Variants in ORC2 observed in about 807,000 individuals in gnomAD.
ORC2 encodes origin recognition complex subunit 2, also known as origin recognition complex protein 2 homolog.
A neutral mutation model predicts 77.7 loss-of-function variants in ORC2; 37 were observed. That is an observed-to-expected ratio of 0.48 (90% CI 0.37 to 0.63). ORC2 has a LOEUF of 0.63. Among genes scored for constraint, ORC2 ranks in the 20% least tolerant of loss-of-function variants. ORC2 has a pLI of 0.00. For synonymous variants in ORC2, 201 were observed against 229.5 expected (o/e 0.88, Z 1.12); for missense variants, 557 against 661.9 (o/e 0.84, Z 1.74).
intron 4 of ORC2, among the ~76,000 whole-genome samples, chr2:200,953,481 T>C (rs935998319): frequency 2.6e-5 from 4 of 151,844 alleles, no homozygotes; most frequent in Admixed American, 6.6e-5. Context: ...CCTTGTACAC[T>C]GTAGGTTGAT....
In ORC2 at chr2:200,913,378, C is replaced by G. The variant is rs1221043752; in HGVS notation, c.1564G>C (p.Glu522Gln). The G allele has an allele frequency of 3.1e-6, 5 of 1,597,152 alleles. No individual in the cohort carries two copies. In the African/African-American group the frequency reaches 6.7e-5, roughly 21 times the overall value. Residue 522 changes from glutamate (E) to glutamine (Q), a missense_variant, in exon 17 of 18, where the codon GAG (glutamate) becomes CAG (glutamine). Transcript: ENST00000234296. ...AGATCACTATTGACGAGGAATGCCTCCCGACACTGCTGGTAAAAATCTTGA... is the reference window on the plus strand; with the variant it reads ...AGATCACTATTGACGAGGAATGCCTGCCGACACTGCTGGTAAAAATCTTGA... ...SFQDFYQQCR[E>Q]AFLVNSDLTL...
intron 4 of ORC2, among the ~76,000 whole-genome samples, chr2:200,955,041 C>T (rs2041443343): frequency 6.6e-6 from 1 of 151,984 alleles, no homozygotes; most frequent in African/African-American, 2.4e-5. Context: ...GGGTATTTGT[C>T]CTTGGTCTGC....
intron 13 of ORC2, among the ~76,000 whole-genome samples, chr2:200,922,655 G>GA (rs2040780082): frequency 6.6e-6 from 1 of 151,954 alleles, no homozygotes; most frequent in Non-Finnish European, 1.5e-5. Flanking sequence ...GACACATTGT[G>GA]AAAATCCCAG....
chr2:200,959,929 G>A (rs895983053), intron 1 of ORC2, among the ~76,000 whole-genome samples: 2 of 151,936 alleles, frequency 1.3e-5, no homozygotes, highest in African/African-American at 2.4e-5. Context: ...GGGCGTAGTG[G>A]CATGTGCCTA....
At chr2:200,953,112 CAA>C (rs768496100) in intron 4 of ORC2, among the ~76,000 whole-genome samples, 21 of 48,582 alleles carry the variant, frequency 4.3e-4, no homozygotes, top group African/African-American at 1.0e-3. Context: ...GACCCTGTCT[CAA>C]AAAAAAAAAA....
chr2:200,925,803 C>T, intron 13 of ORC2, 33 bp downstream of exon 13: 1 of 959,216 alleles, frequency 1.0e-6, no homozygotes, highest in African/African-American at 1.6e-5. Flanking sequence ...CTTAACTTTA[C>T]TCTAAAACTA....
intron 11 of ORC2, among the ~76,000 whole-genome samples, chr2:200,928,664 AT>A (rs1436836022): frequency 6.6e-6 from 1 of 151,782 alleles, no homozygotes; most frequent in Non-Finnish European, 1.5e-5. Context: ...ATACAAAAAA[AT>A]TAGCTGGGCG....
intron 9 of ORC2, 79 bp from the exon 10 acceptor site, chr2:200,934,053 T>G: frequency 1.5e-6 from 1 of 677,720 alleles, no homozygotes; most frequent in Non-Finnish European, 2.5e-6. Context: ...AATATTAATG[T>G]AAAATAGGAC....
chr2:200,952,910 G>C (rs1200664474), intron 4 of ORC2, among the ~76,000 whole-genome samples: 1 of 151,530 alleles, frequency 6.6e-6, no homozygotes, highest in African/African-American at 2.4e-5. Context: ...CTAGGGGTTT[G>C]AGACCAGCCT....
chr2:200,916,292 G>A (rs1305861269), intron 15 of ORC2, among the ~76,000 whole-genome samples: 2 of 152,060 alleles, frequency 1.3e-5, no homozygotes, highest in Non-Finnish European at 2.9e-5. Flanking sequence ...AGACCAGCCT[G>A]CCCAACATGG....
intron 16 of ORC2, 168 bp from the exon 17 acceptor site, chr2:200,913,581 A>G (rs2040588352): frequency 7.7e-7 from 1 of 1,304,332 alleles, no homozygotes; most frequent in Non-Finnish European, 9.7e-7. Context: ...TCATGAGAGC[A>G]GAACAATTAT....
Position 200,911,186 on chromosome 2 carries a change from A to C in ORC2, c.*115T>G. 1 of 675,940 alleles carries C rather than the reference A, an allele frequency of 1.5e-6. No individual in the cohort carries two copies. Among genetic ancestry groups the C allele is most frequent in the East Asian group, 2.7e-5 (1 of 36,854 alleles). The allele number at this position is 675,940 out of a possible 1,614,324, so 41.9% of individuals were successfully genotyped here. ...GACATCCCCCCCTTCCCAAATTTAA[A>C]TCTTGTATGCTGGAAAAATAATTTA... On this transcript the variant is annotated 3_prime_UTR_variant, in exon 18 of 18. Coordinates refer to ENST00000234296, the MANE Select transcript of ORC2 (RefSeq NM_006190.5).
At chr2:200,914,640 A>T (rs1446635322) in intron 15 of ORC2, among the ~76,000 whole-genome samples, 1 of 152,130 alleles carries the variant, frequency 6.6e-6, no homozygotes, top group Non-Finnish European at 1.5e-5. Flanking sequence ...TTAGCCAGGC[A>T]TACTGGTATG....
intron 15 of ORC2, among the ~76,000 whole-genome samples, chr2:200,916,049 G>A (rs1359098968): frequency 6.6e-6 from 1 of 152,100 alleles, no homozygotes; most frequent in Non-Finnish European, 1.5e-5. Flanking sequence ...CTGAATTTTG[G>A]TTAAAATTTT....
chr2:200,942,709 T>C lies in ORC2; in HGVS notation c.397A>G (p.Ile133Val), dbSNP rs1457180278. 1 of 1,607,402 alleles carries C rather than the reference T, an allele frequency of 6.2e-7. No homozygotes were observed. Reference sequence around the variant, plus strand: ...CCCTTGCTACTTTGAGGAACGTTTATCGTAATCTCAGGATCATTCTTCAAA... The same window carrying C: ...CCCTTGCTACTTTGAGGAACGTTTACCGTAATCTCAGGATCATTCTTCAAA... ...FSLKNDPEIT[I>V]NVPQSSKGHS... Residue 133 changes from isoleucine to valine, a missense_variant, in exon 6 of 18, where the codon ATA becomes GTA. Coordinates refer to ENST00000234296, the MANE Select transcript of ORC2 (RefSeq NM_006190.5).
At chr2:200,930,050 T>C (rs542330158) in intron 11 of ORC2, among the ~76,000 whole-genome samples, 1 of 152,148 alleles carries the variant, frequency 6.6e-6, no homozygotes, top group African/African-American at 2.4e-5. Flanking sequence ...GTCATTCATA[T>C]ACAGAAAACA....
chr2:200,939,498 G>C (rs892244177), intron 7 of ORC2, among the ~76,000 whole-genome samples: 1 of 152,078 alleles, frequency 6.6e-6, no homozygotes, highest in Non-Finnish European at 1.5e-5. Flanking sequence ...ATTACTCCTA[G>C]GGCAAACAGC....
At chr2:200,934,604 C>T (rs1335824196) in intron 9 of ORC2, among the ~76,000 whole-genome samples, 4 of 150,962 alleles carry the variant, frequency 2.6e-5, no homozygotes, top group Admixed American at 6.7e-5. Flanking sequence ...GTTGGGATAA[C>T]AGGCATGAGC....
chr2:200,941,194 C>T lies in ORC2; in HGVS notation c.453+54G>A, dbSNP rs1020254340. 6 of 1,442,728 alleles carry T rather than the reference C, an allele frequency of 4.2e-6. No homozygotes were observed. The Admixed American group carries it at 9.3e-5, about 22-fold the overall frequency. 89.4% of individuals were successfully genotyped at this position (1,442,728 alleles called of 1,614,324 possible). The stretch of plus-strand genomic sequence containing the variant: ...TTTCATTGAATTTCTGGCAATTTTT[C>T]ATCATGTCTTACTTTGTAACACTAA... On this transcript the variant is annotated intron_variant, in intron 7 of 17. Coordinates refer to ENST00000234296, the MANE Select transcript of ORC2 (RefSeq NM_006190.5).
Sources: gnomAD v4.1 joint callset for allele counts (sites outside exome capture counted in the v4.1 genomes callset) on GRCh38, gnomAD v4.1.1 for gene constraint, MANE v1.5 for transcripts, NCBI Gene and HGNC (gene_info 2026-07-23, HGNC 2026-07-21) for gene names.